The following CALN1 variants were observed in gnomAD, a reference collection of about 807,000 sequenced individuals.
CALN1 encodes the protein calneuron 1.
In CALN1, 17 loss-of-function variants were observed where a neutral mutation model predicts 30.6. The ratio of observed to expected loss-of-function variants is 0.56; its 90% CI spans 0.38 to 0.83. CALN1 has a LOEUF of 0.83. Among genes scored for constraint, CALN1 ranks in the 40% least tolerant of loss-of-function variants. The pLI is 0.00. For synonymous variants in CALN1, 156 were observed against 131.4 expected (o/e 1.19, Z -1.28); for missense variants, 291 against 354.9 (o/e 0.82, Z 1.45).
At chr7:72,296,158 A>T (rs1213541756) in intron 2 of CALN1, among the ~76,000 whole-genome samples, 1 of 151,644 alleles carries the variant, frequency 6.6e-6, no homozygotes, top group African/African-American at 2.4e-5. Flanking sequence ...TATATGCTGG[A>T]TTACATTTAC....
intron 3 of CALN1, among the ~76,000 whole-genome samples, chr7:72,195,033 C>T (rs529104215): frequency 6.3e-4 from 96 of 152,288 alleles, no homozygotes; most frequent in African/African-American, 2.0e-3. Context: ...TATTCCTTGC[C>T]TCTCGTCCCA....
intron 5 of CALN1, among the ~76,000 whole-genome samples, chr7:71,940,157 CT>C (rs1554390086): frequency 2.6e-5 from 4 of 152,188 alleles, no homozygotes; most frequent in Non-Finnish European, 5.9e-5. Context: ...CTGATCTCCA[CT>C]TTTTTTCTCC....
chr7:71,955,724 G>A (rs1796926569), intron 5 of CALN1, among the ~76,000 whole-genome samples: 1 of 152,108 alleles, frequency 6.6e-6, no homozygotes, highest in African/African-American at 2.4e-5. Context: ...AGCCCCTGAT[G>A]TTCTGGAACT....
intron 2 of CALN1, among the ~76,000 whole-genome samples, chr7:72,379,193 G>C (rs531249026): frequency 6.6e-6 from 1 of 152,160 alleles, no homozygotes; most frequent in African/African-American, 2.4e-5. Flanking sequence ...ACAGTGGTGT[G>C]ATCACAGCTC....
intron 5 of CALN1, among the ~76,000 whole-genome samples, chr7:71,835,388 A>T (rs1025562859): frequency 6.6e-6 from 1 of 152,194 alleles, no homozygotes; most frequent in Non-Finnish European, 1.5e-5. Flanking sequence ...GCACGGGGTA[A>T]GTGGTAGAAA....
intron 3 of CALN1, among the ~76,000 whole-genome samples, chr7:72,140,276 A>AAG (rs71069028): frequency 0.07 from 8,360 of 119,606 alleles, 351 homozygotes; most frequent in African/African-American, 0.12. Flanking sequence ...GTCTCAAAAT[A>AAG]AGAGAGAGAG....
intron 5 of CALN1, among the ~76,000 whole-genome samples, chr7:71,939,650 C>A (rs1796022569): frequency 6.6e-6 from 1 of 151,740 alleles, no homozygotes; most frequent in Admixed American, 6.6e-5. Flanking sequence ...GAAAATGAGG[C>A]AAGAAACAAA....
At chr7:72,048,966 A>G (rs112962556) in intron 4 of CALN1, among the ~76,000 whole-genome samples, 2,190 of 152,176 alleles carry the variant, frequency 0.014, 51 homozygotes, top group African/African-American at 0.049. Flanking sequence ...GCACACCACC[A>G]TGCCCAGCTA....
At chr7:72,249,015 A>T (rs10234985) in intron 3 of CALN1, among the ~76,000 whole-genome samples, 27,973 of 152,116 alleles carry the variant, frequency 0.18, 3,507 homozygotes, top group East Asian at 0.43. Context: ...AAATTAATTT[A>T]AAAAATCACA....
chr7:71,979,222 G>A (rs1798261630), intron 5 of CALN1, among the ~76,000 whole-genome samples: 1 of 152,140 alleles, frequency 6.6e-6, no homozygotes, highest in African/African-American at 2.4e-5. Flanking sequence ...CCTAGGACTG[G>A]GGAGAGGGGA....
chr7:72,312,207 C>T (rs1800098988), intron 2 of CALN1, among the ~76,000 whole-genome samples: 1 of 151,954 alleles, frequency 6.6e-6, no homozygotes, highest in African/African-American at 2.4e-5. Flanking sequence ...AGTTCGAGAC[C>T]AGCCTAGCCA....
intron 3 of CALN1, among the ~76,000 whole-genome samples, chr7:72,230,001 C>T (rs1388863937): frequency 2.0e-5 from 3 of 150,966 alleles, no homozygotes; most frequent in Non-Finnish European, 4.4e-5. Context: ...ATTAGCTGGG[C>T]GTGGTGGTGG....
chr7:72,474,886 C>T, the CALN1 span, among the ~76,000 whole-genome samples: 2 of 152,274 alleles, frequency 1.3e-5, no homozygotes, highest in East Asian at 3.9e-4. Context: ...TTTGCCCAGG[C>T]TTCATTATCC....
In CALN1 at chr7:72,039,843, AC is replaced by A. The variant is rs527980449; in HGVS notation, c.389-16075del. Among the ~76,000 whole-genome samples, 6 of 150,044 alleles carry A rather than the reference AC, an allele frequency of 4.0e-5. No individual in the cohort carries two copies. In the East Asian group the frequency reaches 7.9e-4, roughly 20 times the overall value. On this transcript the variant is annotated intron_variant, in intron 4 of 6. Coordinates refer to ENST00000395275, the MANE Select transcript of CALN1 (RefSeq NM_031468.4). The stretch of plus-strand genomic sequence containing the variant: ...ATTAGCACTCTAGGAGGTCCTGAAG[AC>A]CCCCCCAAGCAGGCTCCTCCATTGC...
At position 71,944,594 on chromosome 7, in the gene CALN1, CAAAAA is replaced by C. The variant is rs10677940; in HGVS notation, c.501+79058_501+79062del. 1.4e-3 allele frequency among the ~76,000 whole-genome samples: 86 copies of C among 60,026 alleles called. 1 individual carries two copies. Among genetic ancestry groups the C allele is most frequent in the East Asian group, 4.9e-3 (10 of 2,058 alleles). 39.4% of individuals were successfully genotyped at this position (60,026 alleles called of 152,430 possible). A position where few individuals can be genotyped will look rare whatever the true frequency, so the allele number is the denominator to read the frequency against. On this transcript the variant is annotated intron_variant, in intron 5 of 6. Transcript: ENST00000395275. ...GGGCAATAAGAGTAAAACTCCATCC[CAAAAA>C]AAAAAAAAAAAAAAAAAAGAAAGAA...
At chr7:72,015,236 C>T (rs926549907) in intron 5 of CALN1, among the ~76,000 whole-genome samples, 1 of 152,202 alleles carries the variant, frequency 6.6e-6, no homozygotes, top group Non-Finnish European at 1.5e-5. Context: ...AAAACTAACT[C>T]GCTGCCTTGT....
At chr7:72,306,853 G>A (rs779306715) in intron 2 of CALN1, among the ~76,000 whole-genome samples, 9 of 151,980 alleles carry the variant, frequency 5.9e-5, no homozygotes, top group African/African-American at 2.2e-4. Flanking sequence ...GCTTTGTCTC[G>A]GGCCATGGTC....
chr7:71,789,970 G>A (rs770786835), intron 6 of CALN1, among the ~76,000 whole-genome samples: 1 of 151,850 alleles, frequency 6.6e-6, no homozygotes, highest in East Asian at 1.9e-4. Context: ...GGGTGTCGTT[G>A]GTGCATGCCT....
chr7:72,167,300 T>C (rs988695975), intron 3 of CALN1, among the ~76,000 whole-genome samples: 5 of 152,166 alleles, frequency 3.3e-5, no homozygotes, highest in East Asian at 1.9e-4. Context: ...CAATAGTAGA[T>C]TGAGAATCAG....
Sources: gnomAD v4.1 joint callset for allele counts (sites outside exome capture counted in the v4.1 genomes callset) on GRCh38, gnomAD v4.1.1 for gene constraint, MANE v1.5 for transcripts, NCBI Gene and HGNC (gene_info 2026-07-23, HGNC 2026-07-21) for gene names.